FAM53A: variants seen among roughly 807,000 people sequenced by gnomAD.
FAM53A encodes the protein family with sequence similarity 53 member A.
Under a neutral mutation model 26.6 loss-of-function variants are expected in FAM53A, and 28 were observed. The ratio of observed to expected loss-of-function variants is 1.05; its 90% CI spans 0.78 to 1.45. FAM53A has a LOEUF of 1.45. FAM53A is among the 40% of genes most tolerant of loss of function. FAM53A has a pLI of 0.00. For missense variants in FAM53A, 650 were observed against 575.8 expected (o/e 1.13, Z -1.32); for synonymous variants, 290 against 253.1 (o/e 1.15, Z -1.38).
the FAM53A span, among the ~76,000 whole-genome samples, chr4:1,583,636 C>T: frequency 6.6e-6 from 1 of 152,242 alleles, no homozygotes; most frequent in Admixed American, 6.5e-5. Flanking sequence ...GTGGAGCCAT[C>T]CTGGCCTTTG....
chr4:1,644,062 C>T (rs1712005999), intron 4 of FAM53A: 1 of 1,282,672 alleles, frequency 7.8e-7, no homozygotes, highest in Non-Finnish European at 1.1e-6. Context: ...GTCTCACCAG[C>T]TCGGTCTGGT....
intron 4 of FAM53A, among the ~76,000 whole-genome samples, chr4:1,643,338 C>CAT: frequency 6.6e-6 from 1 of 151,832 alleles, no homozygotes; most frequent in East Asian, 2.0e-4. Flanking sequence ...TGGTGGCGGG[C>CAT]GCCTGTAGTC....
chr4:1,621,535 G>T (rs1715036667), intron 1 of FAM53A, among the ~76,000 whole-genome samples: 1 of 152,128 alleles, frequency 6.6e-6, no homozygotes, highest in African/African-American at 2.4e-5. Context: ...CAGCAGCTTG[G>T]GGTGGGGGAC....
chr4:1,576,637 A>G, the FAM53A span, among the ~76,000 whole-genome samples: 3 of 152,234 alleles, frequency 2.0e-5, no homozygotes, highest in African/African-American at 4.8e-5. Flanking sequence ...TGTGAACGTT[A>G]CGGTAAATCT....
At chr4:1,633,143 G>A (rs114266732) in intron 1 of FAM53A, among the ~76,000 whole-genome samples, 6 of 151,940 alleles carry the variant, frequency 3.9e-5, no homozygotes, top group Non-Finnish European at 8.8e-5. Context: ...CACACACATA[G>A]GTACACGTGC....
chr4:1,655,779 C>T lies in FAM53A; in HGVS notation c.137-56G>A, dbSNP rs1304519618. ...AGAGACAGGTGAGCCACAGGGCAGG[C>T]GACATCCATCCCGGCAAACAGCCTG... On this transcript the variant is annotated intron_variant, in intron 3 of 4. Coordinates refer to ENST00000308132, the MANE Select transcript of FAM53A (RefSeq NM_001174070.3). 4.1e-6 allele frequency: 6 copies of T among 1,460,852 alleles called. No homozygotes were observed. The African/African-American group carries it at 4.3e-5, about 11-fold the overall frequency. 90.5% of individuals were successfully genotyped at this position (1,460,852 alleles called of 1,614,324 possible). A position where few individuals can be genotyped will look rare whatever the true frequency, so the allele number is the denominator to read the frequency against.
chr4:1,578,508 G>A, the FAM53A span, among the ~76,000 whole-genome samples: 4 of 151,896 alleles, frequency 2.6e-5, no homozygotes, highest in African/African-American at 7.3e-5. Flanking sequence ...GGGGGTAGGA[G>A]GTGAGGGGAC....
At chr4:1,634,863 G>A (rs1715766502) in intron 1 of FAM53A, among the ~76,000 whole-genome samples, 1 of 151,348 alleles carries the variant, frequency 6.6e-6, no homozygotes, top group Admixed American at 6.6e-5. Flanking sequence ...TCACACCACT[G>A]CACTCCAGCC....
chr4:1,642,783 C>T (rs1323118161), intron 4 of FAM53A, among the ~76,000 whole-genome samples: 1 of 152,196 alleles, frequency 6.6e-6, no homozygotes, highest in Admixed American at 6.5e-5. Context: ...CCCCACCTGC[C>T]GGGTCACCTC....
intron 2 of FAM53A, 60 bp downstream of exon 2, chr4:1,668,607 A>C (rs1236935324): frequency 2.0e-5 from 32 of 1,586,708 alleles, no homozygotes; most frequent in Non-Finnish European, 2.7e-5. Flanking sequence ...CAGTGTGGCC[A>C]TTCCCCTGTG....
At chr4:1,646,787 C>T (rs1712285743) in intron 4 of FAM53A, among the ~76,000 whole-genome samples, 1 of 152,318 alleles carries the variant, frequency 6.6e-6, no homozygotes, top group South Asian at 2.1e-4. Context: ...TCCTCAGGCT[C>T]TGGGTGACCC....
At chr4:1,643,423 G>T (rs1163904101) in intron 4 of FAM53A, among the ~76,000 whole-genome samples, 1 of 151,830 alleles carries the variant, frequency 6.6e-6, no homozygotes, top group East Asian at 2.0e-4. Context: ...CCGAGATTGG[G>T]CCACTGCACT....
In FAM53A at chr4:1,640,733, C is replaced by T; in HGVS notation, c.*560G>A. On this transcript the variant is annotated 3_prime_UTR_variant, in exon 5 of 5. Transcript: ENST00000308132. Reference sequence around the variant, plus strand: ...GGCAGCCGTGGCCCCGACCAACTCACAGGAAACCTACTCTGTGCCCCAGGG... The same window carrying T: ...GGCAGCCGTGGCCCCGACCAACTCATAGGAAACCTACTCTGTGCCCCAGGG... The T allele has an allele frequency of 1.7e-5, 6 of 359,946 alleles. No homozygotes were observed. The highest frequency in any genetic ancestry group is 3.1e-5 in the Non-Finnish European group (6 of 194,540). 22.3% of individuals were successfully genotyped at this position (359,946 alleles called of 1,614,324 possible).
chr4:1,631,123 TTAGAG>T (rs1715593054), intron 1 of FAM53A, among the ~76,000 whole-genome samples: 1 of 152,108 alleles, frequency 6.6e-6, no homozygotes, highest in South Asian at 2.1e-4. Flanking sequence ...TTATAACACT[TTAGAG>T]GAGAAAGACT....
chr4:1,650,404 T>G (rs1216521206), intron 4 of FAM53A, among the ~76,000 whole-genome samples: 1 of 148,174 alleles, frequency 6.7e-6, no homozygotes, highest in East Asian at 2.0e-4. Flanking sequence ...GGCATAGGCG[T>G]GGTGTTTGAC....
chr4:1,576,832 G>C, the FAM53A span, among the ~76,000 whole-genome samples: 2 of 152,220 alleles, frequency 1.3e-5, no homozygotes, highest in Admixed American at 6.5e-5. Flanking sequence ...GTTGGGCCTA[G>C]TTTGTCAGAC....
chr4:1,621,314 C>T (rs531497303), intron 1 of FAM53A, among the ~76,000 whole-genome samples: 153 of 152,092 alleles, frequency 1.0e-3, no homozygotes, highest in Non-Finnish European at 1.8e-3. Context: ...CCATGTTAGC[C>T]GGGATGGTCT....
At chr4:1,609,077 C>A in the FAM53A span, among the ~76,000 whole-genome samples, 3 of 152,016 alleles carry the variant, frequency 2.0e-5, no homozygotes, top group Non-Finnish European at 4.4e-5. Context: ...TGCTGCAGAC[C>A]CCAAGCCCTG....
intron 1 of FAM53A, among the ~76,000 whole-genome samples, chr4:1,625,010 C>A (rs1399172429): frequency 7.4e-6 from 1 of 135,308 alleles, no homozygotes; most frequent in Non-Finnish European, 1.5e-5. Flanking sequence ...GAAGGCCCCA[C>A]GTCCCAGCCC....
Sources: allele counts gnomAD v4.1 joint callset (sites outside exome capture counted in the v4.1 genomes callset), GRCh38; gene constraint gnomAD v4.1.1; transcripts MANE v1.5; gene names NCBI Gene and HGNC (gene_info 2026-07-23, HGNC 2026-07-21).